SYBU: variants seen among roughly 807,000 people sequenced by gnomAD.
SYBU encodes GOLSYN A protein.
Under a neutral mutation model 35.9 loss-of-function variants are expected in SYBU, and 21 were observed. The observed-to-expected ratio is 0.58, with a 90% CI of 0.41 to 0.84. The LOEUF is 0.84. SYBU is among the 40% of genes least tolerant of loss of function. The probability of loss-of-function intolerance (pLI) is 0.00; values close to 1 mark genes in which losing one functional copy is unlikely to be tolerated. For missense variants in SYBU, 768 were observed against 848.2 expected (o/e 0.91, Z 1.17); for synonymous variants, 319 against 324.3 (o/e 0.98, Z 0.18).
intron 1 of SYBU, among the ~76,000 whole-genome samples, chr8:109,653,329 A>G (rs959993726): frequency 6.6e-6 from 1 of 152,206 alleles, no homozygotes; most frequent in African/African-American, 2.4e-5. Context: ...TAATTATACT[A>G]TGGCTTTTGA....
intron 1 of SYBU, among the ~76,000 whole-genome samples, chr8:109,669,035 T>G (rs1288240434): frequency 6.6e-6 from 1 of 152,134 alleles, no homozygotes; most frequent in Non-Finnish European, 1.5e-5. Context: ...TCTCTGACAC[T>G]GAATTACTTT....
chr8:109,587,206 G>A (rs1313903633), intron 3 of SYBU, among the ~76,000 whole-genome samples: 1 of 152,104 alleles, frequency 6.6e-6, no homozygotes, highest in Admixed American at 6.5e-5. Context: ...CTGAGCTAAA[G>A]AAAATATGAA....
intron 4 of SYBU, among the ~76,000 whole-genome samples, chr8:109,582,741 C>A (rs1030135951): frequency 6.6e-6 from 1 of 152,132 alleles, no homozygotes; most frequent in African/African-American, 2.4e-5. Flanking sequence ...AGCCCTAACT[C>A]CCAGTACCAC....
Position 109,644,744 on chromosome 8 carries a change from C to G in SYBU, c.-85G>C. On this transcript the variant is annotated 5_prime_UTR_variant, in exon 1 of 7. Coordinates refer to ENST00000276646, the MANE Select transcript of SYBU (RefSeq NM_001099754.2). ...GCGAGCACGGAGCGAGGAGACTGCG[C>G]TGAGCCGGCGCGGGCTGCGGGCGGC... The G allele has an allele frequency of 7.7e-7, 1 of 1,291,026 alleles. No homozygotes were observed. The highest frequency in any genetic ancestry group is 9.9e-7 in the Non-Finnish European group (1 of 1,006,336). 80.0% of individuals were successfully genotyped at this position (1,291,026 alleles called of 1,614,324 possible). A position where few individuals can be genotyped will look rare whatever the true frequency, so the allele number is the denominator to read the frequency against.
At chr8:109,599,122 G>T (rs1462258450) in intron 3 of SYBU, among the ~76,000 whole-genome samples, 5 of 152,146 alleles carry the variant, frequency 3.3e-5, no homozygotes, top group Non-Finnish European at 7.3e-5. Flanking sequence ...GCAATAAAAA[G>T]TCTTAACGAA....
chr8:109,664,756 T>C (rs1042416557), intron 1 of SYBU, among the ~76,000 whole-genome samples: 1 of 151,944 alleles, frequency 6.6e-6, no homozygotes, highest in African/African-American at 2.4e-5. Context: ...ACCGAAAACA[T>C]AGAAAAGAGA....
rs1193382919 is a variant in SYBU at position 109,691,484 on chromosome 8, C to T, written c.-209G>A. On this transcript the variant is annotated 5_prime_UTR_variant, in exon 1 of 8. Transcript: ENST00000422135. This position sits in a 1 kb window ranked among gnomAD's most constrained non-coding sequence, Gnocchi z 4.7. ...CTCAGGCCCGGGGAGCCGGGCCCGG[C>T]CCGCTCCGCCCGCCTTAGCCCGGCT... 6 of 530,552 alleles carry T rather than the reference C, an allele frequency of 1.1e-5. No individual in the cohort carries two copies. The highest frequency in any genetic ancestry group is 1.9e-5 in the Non-Finnish European group (6 of 308,340). The allele number at this position is 530,552 out of a possible 1,614,324, so 32.9% of individuals were successfully genotyped here. A position where few individuals can be genotyped will look rare whatever the true frequency, so the allele number is the denominator to read the frequency against.
chr8:109,632,577 C>T (rs1813754849), intron 2 of SYBU, among the ~76,000 whole-genome samples: 1 of 151,918 alleles, frequency 6.6e-6, no homozygotes, highest in Non-Finnish European at 1.5e-5. Flanking sequence ...ATTGTTACAT[C>T]TGAGTTTTTT....
At chr8:109,616,489 C>G (rs1234820878) in intron 3 of SYBU, among the ~76,000 whole-genome samples, 1 of 151,892 alleles carries the variant, frequency 6.6e-6, no homozygotes, top group Non-Finnish European at 1.5e-5. Context: ...ATTATTGAAA[C>G]AAGGAAGGGC....
At chr8:109,667,019 A>T (rs1346535563) in intron 1 of SYBU, among the ~76,000 whole-genome samples, 1 of 152,234 alleles carries the variant, frequency 6.6e-6, no homozygotes, top group African/African-American at 2.4e-5. Context: ...ATACAAAATT[A>T]ATTATTACAT....
In SYBU at chr8:109,643,172, CAT is replaced by C. The variant is rs1491290651; in HGVS notation, c.25-242_25-241del. ...GCACACACACACACACACACACACA[CAT>C]ATACACACCTCCACTCACTAGCTGG... On this transcript the variant is annotated intron_variant, in intron 1 of 6. Transcript: ENST00000276646. 203 of 1,096,058 alleles carry C rather than the reference CAT, an allele frequency of 1.9e-4. No homozygotes were observed. The African/African-American group carries it at 2.6e-3, about 14-fold the overall frequency. 67.9% of individuals were successfully genotyped at this position (1,096,058 alleles called of 1,614,324 possible).
At chr8:109,690,268 C>A (rs1817616950) in intron 1 of SYBU, among the ~76,000 whole-genome samples, 1 of 152,192 alleles carries the variant, frequency 6.6e-6, no homozygotes, top group African/African-American at 2.4e-5. Context: ...GGTGCTACTG[C>A]TCTCCAAATG....
chr8:109,604,975 C>G (rs780625022), intron 3 of SYBU, among the ~76,000 whole-genome samples: 1 of 152,140 alleles, frequency 6.6e-6, no homozygotes, highest in Non-Finnish European at 1.5e-5. Context: ...TCAGGAAGAT[C>G]CAGTTTCCCT....
intron 1 of SYBU, among the ~76,000 whole-genome samples, chr8:109,668,089 GT>G (rs542146117): frequency 3.6e-4 from 51 of 142,532 alleles, no homozygotes; most frequent in Non-Finnish European, 5.9e-4. Context: ...GCAAACACAA[GT>G]CACAAGTATT....
intron 6 of SYBU, among the ~76,000 whole-genome samples, chr8:109,577,241 G>A (rs1165489409): frequency 1.3e-5 from 2 of 152,074 alleles, no homozygotes; most frequent in Non-Finnish European, 2.9e-5. Context: ...CAGCTACCCT[G>A]GTCAGAGCTT....
At position 109,575,092 on chromosome 8, in the gene SYBU, G is replaced by A. The variant is rs755134568; in HGVS notation, c.1806C>T (p.Tyr602=). ...GATCCACCAGGAAGCTGCTGCTCCAGTACTGCCTCACGACGCCCCCGCGAG... is the reference window on the plus strand; with the variant it reads ...GATCCACCAGGAAGCTGCTGCTCCAATACTGCCTCACGACGCCCCCGCGAG... The part of the protein sequence containing the change: ...PLARGGVVRQ[Y]WSSSFLVDLL... Residue 602 remains tyrosine, a synonymous_variant, in exon 7 of 7, where the codon TAC becomes TAT. Coordinates refer to ENST00000276646, the MANE Select transcript of SYBU (RefSeq NM_001099754.2). 5.0e-6 allele frequency: 8 copies of A among 1,611,780 alleles called. No individual in the cohort carries two copies. The African/African-American group carries it at 9.3e-5, about 19-fold the overall frequency.
chr8:109,608,558 T>C (rs1305559389), intron 3 of SYBU, among the ~76,000 whole-genome samples: 1 of 152,192 alleles, frequency 6.6e-6, no homozygotes. Flanking sequence ...CAGAGCTCTC[T>C]GGAACAATTT....
intron 2 of SYBU, among the ~76,000 whole-genome samples, chr8:109,640,742 A>C (rs1038839279): frequency 4.0e-5 from 6 of 149,856 alleles, no homozygotes; most frequent in African/African-American, 1.5e-4. Context: ...TTTAAAACAT[A>C]ATATTTTGAT....
intron 3 of SYBU, among the ~76,000 whole-genome samples, chr8:109,603,957 C>T (rs58874286): frequency 3.9e-5 from 6 of 152,024 alleles, no homozygotes; most frequent in Non-Finnish European, 8.8e-5. Flanking sequence ...ACCCAGCTCA[C>T]GCATATGTCA....
Sources: allele counts gnomAD v4.1 joint callset (sites outside exome capture counted in the v4.1 genomes callset), GRCh38; gene constraint gnomAD v4.1.1; non-coding constraint Gnocchi (gnomAD v3.1); transcripts MANE v1.5; gene names NCBI Gene and HGNC (gene_info 2026-07-23, HGNC 2026-07-21).